AKT1: variants seen among roughly 807,000 people sequenced by gnomAD.
AKT1 encodes RAC-alpha serine/threonine-protein kinase.
AKT1 carries 21 observed loss-of-function variants against 63.1 expected under a neutral mutation model. The observed-to-expected ratio is 0.33, with a 90% CI of 0.24 to 0.48. The LOEUF (loss-of-function observed/expected upper bound fraction) is 0.48, where lower values mean the gene tolerates loss of function less well. AKT1 is among the 20% of genes least tolerant of loss of function. AKT1 has a pLI of 0.99. For missense variants in AKT1, 382 were observed against 666.0 expected (o/e 0.57, Z 4.69); for synonymous variants, 257 against 253.1 (o/e 1.02, Z -0.15).
intron 8 of AKT1, chr14:104,774,227 T>C (rs370374412): frequency 1.9e-6 from 1 of 535,642 alleles, no homozygotes; most frequent in East Asian, 3.3e-5. Flanking sequence ...CATGCCACGC[T>C]GCCCCACACC....
At chr14:104,779,570 T>C (rs1381300133) in intron 4 of AKT1, among the ~76,000 whole-genome samples, 1 of 151,978 alleles carries the variant, frequency 6.6e-6, no homozygotes, top group African/African-American at 2.4e-5. Flanking sequence ...TTCCAGAGCA[T>C]GGGCACCAGG....
chr14:104,781,417 G>A (rs527649664), intron 3 of AKT1, among the ~76,000 whole-genome samples: 27 of 152,250 alleles, frequency 1.8e-4, no homozygotes, highest in South Asian at 1.7e-3. Flanking sequence ...GCCCAGACGC[G>A]TCCAGCCCTC....
At position 104,775,807 on chromosome 14, in the gene AKT1, A is replaced by T. The variant is rs554933817; in HGVS notation, c.288-8T>A. The stretch of plus-strand genomic sequence containing the variant: ...GCGGTTGTCCACTCCTCCCTGCAGG[A>T]GGTCAGGTGAGGCTGCAGGCCTGTA... On this transcript the variant is annotated splice_region_variant and splice_polypyrimidine_tract_variant and intron_variant, in intron 5 of 14. Transcript: ENST00000649815. 6.2e-7 allele frequency: 1 copy of T among 1,613,222 alleles called. No individual in the cohort carries two copies. The highest frequency in any genetic ancestry group is 1.3e-5 in the African/African-American group (1 of 74,998).
intron 6 of AKT1, 154 bp from the exon 7 acceptor site, chr14:104,775,361 C>T (rs1304766059): frequency 5.8e-6 from 8 of 1,389,542 alleles, no homozygotes; most frequent in Non-Finnish European, 7.7e-6. Flanking sequence ...AGCGGGGAGT[C>T]CAGGCTTACA....
intron 3 of AKT1, among the ~76,000 whole-genome samples, chr14:104,788,868 G>A (rs11847866): frequency 0.3 from 44,907 of 152,064 alleles, 7,030 homozygotes; most frequent in African/African-American, 0.36. Flanking sequence ...GCATGGGCCC[G>A]GGGTAGGGCA....
chr14:104,785,342 G>A lies in AKT1; in HGVS notation c.47-5126C>T, dbSNP rs376334189. On this transcript the variant is annotated intron_variant, in intron 3 of 14. Coordinates refer to ENST00000649815, the MANE Select transcript of AKT1 (RefSeq NM_001382430.1). Reference sequence around the variant, plus strand: ...TGTAAACAACCAGGCTGGGGTGGGGGCAGGGGAGGGGCCACACAACGGAGG... The same window carrying A: ...TGTAAACAACCAGGCTGGGGTGGGGACAGGGGAGGGGCCACACAACGGAGG... 3.7e-3 allele frequency among the ~76,000 whole-genome samples: 563 copies of A among 152,312 alleles called. 5 individuals carry two copies. Among genetic ancestry groups the A allele is most frequent in the African/African-American group, 0.013 (543 of 41,568 alleles).
chr14:104,789,703 A>G (rs1406173850), intron 3 of AKT1, among the ~76,000 whole-genome samples: 1 of 152,218 alleles, frequency 6.6e-6, no homozygotes, highest in Admixed American at 6.5e-5. Context: ...TGGGCTGCTT[A>G]TCCAGTGAGA....
intron 8 of AKT1, 164 bp from the exon 9 acceptor site, chr14:104,774,144 G>GTAGCCCC: frequency 1.6e-6 from 1 of 640,608 alleles, no homozygotes; most frequent in Non-Finnish European, 2.8e-6. Context: ...CACACCGCCC[G>GTAGCCCC]ATACCACACT....
intron 14 of AKT1, 53 bp from the exon 15 acceptor site, chr14:104,770,473 C>T: frequency 6.7e-6 from 10 of 1,490,600 alleles, no homozygotes; most frequent in Non-Finnish European, 9.0e-6. Context: ...GCCACCTCCA[C>T]CCACCCACAG....
Position 104,769,758 on chromosome 14 carries a change from GCCCATCCCCCATCCCTGGT to G in AKT1, c.*564_*582del, listed in dbSNP as rs974939803. 2.1e-4 allele frequency: 81 copies of G among 394,088 alleles called. 3 individuals carry two copies. The highest frequency in any genetic ancestry group is 1.8e-3 in the East Asian group (35 of 19,526). 24.4% of individuals were successfully genotyped at this position (394,088 alleles called of 1,614,324 possible). A position where few individuals can be genotyped will look rare whatever the true frequency, so the allele number is the denominator to read the frequency against. On this transcript the variant is annotated 3_prime_UTR_variant, in exon 15 of 15. Transcript: ENST00000649815. ...CCTCTGTCCCACTGGGTAAACCCTG[GCCCATCCCCCATCCCTGGT>G]CCCATCCCAGGGGCCCAGCCTCCGA... is the stretch of plus-strand genomic sequence containing the variant.
chr14:104,791,182 A>G (rs1406155134), intron 3 of AKT1, among the ~76,000 whole-genome samples: 1 of 152,054 alleles, frequency 6.6e-6, no homozygotes, highest in African/African-American at 2.4e-5. Flanking sequence ...ACAAACACAC[A>G]TTTGCCAAGG....
chr14:104,781,585 G>A (rs373300401), intron 3 of AKT1, among the ~76,000 whole-genome samples: 16 of 152,030 alleles, frequency 1.1e-4, no homozygotes, highest in African/African-American at 3.1e-4. Flanking sequence ...GCCACCCCCC[G>A]GCCAGGTGAC....
chr14:104,794,299 TC>T (rs927016684), intron 1 of AKT1: 2 of 152,468 alleles, frequency 1.3e-5, no homozygotes, highest in Non-Finnish European at 2.9e-5. Flanking sequence ...CCTCTGGATG[TC>T]CCCCCACCCC....
At chr14:104,784,897 C>A (rs538611208) in intron 3 of AKT1, among the ~76,000 whole-genome samples, 4 of 152,232 alleles carry the variant, frequency 2.6e-5, no homozygotes, top group African/African-American at 7.2e-5. Flanking sequence ...TGTCAGCCCC[C>A]CTAGGCCACC....
rs139375034 is a variant in AKT1 at position 104,779,567 on chromosome 14, G to A, written c.175+521C>T. ...TTGTCCGGACCCTCCAGCTTCCAGA[G>A]CATGGGCACCAGGGAACTGCTCCAG... On this transcript the variant is annotated intron_variant, in intron 4 of 14. Coordinates refer to ENST00000649815, the MANE Select transcript of AKT1 (RefSeq NM_001382430.1). 1.1e-3 allele frequency among the ~76,000 whole-genome samples: 166 copies of A among 152,216 alleles called. 4 individuals are homozygous for A. In the East Asian group the frequency reaches 0.032, roughly 29 times the overall value.
Position 104,770,371 on chromosome 14 carries a change from C to T in AKT1, c.1413G>A (p.Gln471=). 4 of 1,612,872 alleles carry T rather than the reference C, an allele frequency of 2.5e-6. No individual in the cohort carries two copies. The highest frequency in any genetic ancestry group is 3.4e-6 in the Non-Finnish European group (4 of 1,179,948). ...CCGTGCCGCTGGCCGAGTAGGAGAA[C>T]TGGGGGAAGTGGGGCCTGCGCTCGC... ...VDSERRPHFP[Q]FSYSASGTA The change falls in exon 15 of 15, where the codon CAG becomes CAA. Residue 471 remains glutamine, a synonymous_variant. Transcript: ENST00000649815.
intron 3 of AKT1, among the ~76,000 whole-genome samples, chr14:104,791,737 G>A (rs1025993713): frequency 1.3e-5 from 2 of 152,232 alleles, no homozygotes; most frequent in African/African-American, 4.8e-5. Flanking sequence ...GAGGGTGTAC[G>A]TAAAGCCGGG....
rs1273016784 is a variant in AKT1, at chr14:104,793,224, G to A, written c.-177C>T. ...TTCCCTAAGCCCCTGGTGACAGATG[G>A]CCCCGTTTGCTCTCCCTGTCCATGG... On this transcript the variant is annotated 5_prime_UTR_variant, in exon 2 of 15. Coordinates refer to ENST00000649815, the MANE Select transcript of AKT1 (RefSeq NM_001382430.1). 5.4e-6 allele frequency: 1 copy of A among 184,056 alleles called. No homozygotes were observed. Among genetic ancestry groups the A allele is most frequent in the African/African-American group, 2.3e-5 (1 of 42,566 alleles). 11.4% of individuals were successfully genotyped at this position (184,056 alleles called of 1,614,324 possible). A position where few individuals can be genotyped will look rare whatever the true frequency, so the allele number is the denominator to read the frequency against.
intron 8 of AKT1, 101 bp downstream of exon 8, chr14:104,774,837 G>A: frequency 1.5e-6 from 2 of 1,308,832 alleles, no homozygotes; most frequent in Non-Finnish European, 2.1e-6. Flanking sequence ...GGTGTGTAAA[G>A]CCCTCACGTG....
Sources: gnomAD v4.1 joint callset for allele counts (sites outside exome capture counted in the v4.1 genomes callset) on GRCh38, gnomAD v4.1.1 for gene constraint, MANE v1.5 for transcripts, NCBI Gene and HGNC (gene_info 2026-07-23, HGNC 2026-07-21) for gene names.